The following THSD4 variants were observed in gnomAD, a reference collection of about 807,000 sequenced individuals.
THSD4 encodes thrombospondin type-1 domain-containing protein 4.
Under a neutral mutation model 119.0 loss-of-function variants are expected in THSD4, and 69 were observed. The ratio of observed to expected loss-of-function variants is 0.58; its 90% CI spans 0.48 to 0.71. The LOEUF (loss-of-function observed/expected upper bound fraction) is 0.71, where lower values mean the gene tolerates loss of function less well. Among genes scored for constraint, THSD4 ranks in the 30% least tolerant of loss-of-function variants. The pLI, the probability that THSD4 is intolerant of heterozygous loss-of-function variation, is 0.00. For missense variants in THSD4, 1,393 were observed against 1,391.1 expected (o/e 1.00, Z -0.02); for synonymous variants, 524 against 540.4 (o/e 0.97, Z 0.42).
intron 4 of THSD4, among the ~76,000 whole-genome samples, chr15:71,232,102 C>G (rs2044066122): frequency 6.6e-6 from 1 of 152,144 alleles, no homozygotes; most frequent in Non-Finnish European, 1.5e-5. Context: ...GTTTCTGGTC[C>G]TCAGCTGCTG....
chr15:71,323,906 C>CTG (rs374972589), intron 6 of THSD4, among the ~76,000 whole-genome samples: 14 of 152,040 alleles, frequency 9.2e-5, no homozygotes, highest in South Asian at 2.1e-4. Flanking sequence ...ATGTATCATT[C>CTG]TGTGTGTGTG....
intron 7 of THSD4, among the ~76,000 whole-genome samples, chr15:71,523,952 C>T (rs940515694): frequency 6.6e-6 from 1 of 152,156 alleles, no homozygotes; most frequent in Non-Finnish European, 1.5e-5. Context: ...GTCTATCCTG[C>T]AGGATTTCTG....
chr15:71,693,436 C>T (rs140198832), intron 8 of THSD4, among the ~76,000 whole-genome samples: 134 of 152,272 alleles, frequency 8.8e-4, no homozygotes, highest in African/African-American at 3.2e-3. Context: ...TGCTTGAGCC[C>T]AGGAGTTCAA....
At chr15:71,680,502 A>G (rs1184011982) in intron 8 of THSD4, among the ~76,000 whole-genome samples, 1 of 152,248 alleles carries the variant, frequency 6.6e-6, no homozygotes, top group East Asian at 1.9e-4. Context: ...GAGAAAAAGG[A>G]TTTAATCAAC....
chr15:71,554,541 G>A (rs144526332), intron 7 of THSD4, among the ~76,000 whole-genome samples: 52 of 152,098 alleles, frequency 3.4e-4, no homozygotes, highest in African/African-American at 1.2e-3. Context: ...GGCATGCGCC[G>A]CCATGCCTGG....
At position 71,777,453 on chromosome 15, in the gene THSD4, C is replaced by T; in HGVS notation, c.*79C>T. On this transcript the variant is annotated 3_prime_UTR_variant, in exon 18 of 18. Transcript: ENST00000261862. ...GCAGTGCGCCTGGCTGGCTGCTGCT[C>T]CACCACGGGCCCCCTGGCCCAGGCG... 6.6e-7 allele frequency: 1 copy of T among 1,520,212 alleles called. No homozygotes were observed. The highest frequency in any genetic ancestry group is 8.8e-7 in the Non-Finnish European group (1 of 1,134,856). The allele number at this position is 1,520,212 out of a possible 1,614,324, so 94.2% of individuals were successfully genotyped here.
intron 6 of THSD4, chr15:71,341,689 C>T (rs140840698): frequency 0.015 from 19,766 of 1,334,806 alleles, 167 homozygotes; most frequent in Non-Finnish European, 0.017. Flanking sequence ...TGGGGTTCTC[C>T]GGGTCAAGTG....
At chr15:71,747,589 G>A (rs550632371) in intron 13 of THSD4, among the ~76,000 whole-genome samples, 2 of 152,166 alleles carry the variant, frequency 1.3e-5, no homozygotes, top group Non-Finnish European at 2.9e-5. Flanking sequence ...CCCTTGAATC[G>A]GAGTTGTCTT....
At chr15:71,192,521 C>A (rs1231372234) in intron 3 of THSD4, among the ~76,000 whole-genome samples, 1 of 152,040 alleles carries the variant, frequency 6.6e-6, no homozygotes, top group African/African-American at 2.4e-5. Flanking sequence ...GGCCTCAAGT[C>A]TGCTTGCCTT....
At chr15:71,579,548 A>G (rs1247004021) in intron 7 of THSD4, among the ~76,000 whole-genome samples, 1 of 152,218 alleles carries the variant, frequency 6.6e-6, no homozygotes, top group African/African-American at 2.4e-5. Flanking sequence ...AAGATCTGTC[A>G]TTTGATTAAA....
At chr15:71,245,846 C>A (rs2044195132) in intron 5 of THSD4, among the ~76,000 whole-genome samples, 1 of 152,150 alleles carries the variant, frequency 6.6e-6, no homozygotes, top group Non-Finnish European at 1.5e-5. Flanking sequence ...AATCCAAGTT[C>A]CCAGATGCCA....
intron 6 of THSD4, among the ~76,000 whole-genome samples, chr15:71,317,093 A>T (rs1326322730): frequency 6.6e-6 from 1 of 152,188 alleles, no homozygotes; most frequent in African/African-American, 2.4e-5. Flanking sequence ...GCTAAGGGAG[A>T]ATTTTCAGAG....
At chr15:71,602,581 T>A (rs57113604) in intron 7 of THSD4, among the ~76,000 whole-genome samples, 31,343 of 87,740 alleles carry the variant, frequency 0.36, 3,975 homozygotes, top group Non-Finnish European at 0.44. Flanking sequence ...AAAAAAAAAA[T>A]GAAAAAGAAA....
intron 7 of THSD4, among the ~76,000 whole-genome samples, chr15:71,652,952 C>A (rs1481900304): frequency 1.3e-5 from 2 of 152,144 alleles, no homozygotes; most frequent in Non-Finnish European, 2.9e-5. Flanking sequence ...GCAAATTTCC[C>A]TCCCTTTAAA....
chr15:71,609,562 A>G (rs914316693), intron 7 of THSD4, among the ~76,000 whole-genome samples: 12 of 152,140 alleles, frequency 7.9e-5, no homozygotes, highest in African/African-American at 2.9e-4. Context: ...TATAAGAAAA[A>G]AAACAACAGG....
chr15:71,590,284 C>T (rs766400888), intron 7 of THSD4, among the ~76,000 whole-genome samples: 2 of 138,356 alleles, frequency 1.4e-5, no homozygotes, highest in African/African-American at 5.1e-5. Context: ...CAGTGCTGGA[C>T]GAAGACTGAT....
intron 6 of THSD4, among the ~76,000 whole-genome samples, chr15:71,294,449 C>T (rs2044834983): frequency 6.6e-6 from 1 of 152,170 alleles, no homozygotes; most frequent in South Asian, 2.1e-4. Context: ...TATCTGATGG[C>T]ACAGGCTGGG....
chr15:71,600,761 A>G (rs2049994677), intron 7 of THSD4, among the ~76,000 whole-genome samples: 1 of 138,636 alleles, frequency 7.2e-6, no homozygotes, highest in African/African-American at 2.9e-5. Context: ...TTTTTTTTTG[A>G]GACAGAGTCT....
intron 7 of THSD4, among the ~76,000 whole-genome samples, chr15:71,592,720 G>A (rs1214842292): frequency 6.6e-6 from 1 of 152,024 alleles, no homozygotes; most frequent in African/African-American, 2.4e-5. Flanking sequence ...TGTTTGGAAC[G>A]TAGCCTGCCT....
Sources: allele counts gnomAD v4.1 joint callset (sites outside exome capture counted in the v4.1 genomes callset), GRCh38; gene constraint gnomAD v4.1.1; transcripts MANE v1.5; gene names NCBI Gene and HGNC (gene_info 2026-07-23, HGNC 2026-07-21).